SRRM2: variants seen among roughly 807,000 people sequenced by gnomAD.
SRRM2 encodes serine/arginine repetitive matrix 2.
In SRRM2, 30 loss-of-function variants were observed where a neutral mutation model predicts 213.8. The ratio of observed to expected loss-of-function variants is 0.14; its 90% CI spans 0.10 to 0.19. The LOEUF is 0.19. SRRM2 is among the 10% of genes least tolerant of loss of function. SRRM2 has a pLI of 1.00. For synonymous variants in SRRM2, 2,025 were observed against 1,377.7 expected (o/e 1.47, Z -10.40); for missense variants, 4,904 against 3,647.0 (o/e 1.34, Z -8.88).
At position 2,766,075 on chromosome 16, in the gene SRRM2, G is replaced by A. The variant is rs1180911122; in HGVS notation, c.5547G>A (p.Arg1849=). ...RGRSRTPPTS[R]KRSRSRTSPA... Reference sequence around the variant, plus strand: ...GCTCTCGGACACCCCCAACCAGTCGGAAGCGTTCTCGCTCACGCACATCAC... The same window carrying A: ...GCTCTCGGACACCCCCAACCAGTCGAAAGCGTTCTCGCTCACGCACATCAC... The change falls in exon 11 of 15, where the codon CGG becomes CGA. Residue 1849 remains arginine (R), a synonymous_variant. Transcript: ENST00000301740. This position sits in a 1 kb window ranked among gnomAD's most constrained non-coding sequence, Gnocchi z 7.0. The A allele has an allele frequency of 6.2e-7, 1 of 1,614,154 alleles. No homozygotes were observed. Among genetic ancestry groups the A allele is most frequent in the South Asian group, 1.1e-5 (1 of 91,086 alleles).
Position 2,765,893 on chromosome 16 carries a change from G to A in SRRM2, c.5365G>A (p.Asp1789Asn), listed in dbSNP as rs1407606052. 4 of 1,614,154 alleles carry A rather than the reference G, an allele frequency of 2.5e-6. No individual in the cohort carries two copies. Among genetic ancestry groups the A allele is most frequent in the Admixed American group, 1.7e-5 (1 of 60,026 alleles). The change falls in exon 11 of 15, where the codon GAT becomes AAT. Residue 1789 changes from aspartate (D) to asparagine (N), a missense_variant. Physicochemically the swap from Asp to Asn is conservative, Grantham distance 23. Coordinates refer to ENST00000301740, the MANE Select transcript of SRRM2 (RefSeq NM_016333.4). Reference sequence around the variant, plus strand: ...GAAAACAAGAACAACCCGACGTCGAGATAGGTCTGGATCTTCTCAGTCAAC... The same window carrying A: ...GAAAACAAGAACAACCCGACGTCGAAATAGGTCTGGATCTTCTCAGTCAAC... ...REKTRTTRRRDRSGSSQSTSR... is the reference protein window; with the variant it reads ...REKTRTTRRRNRSGSSQSTSR...
In SRRM2 at chr16:2,765,737, GAAA is replaced by G; in HGVS notation, c.5212_5214del (p.Lys1738del). 6.2e-7 allele frequency: 1 copy of G among 1,614,080 alleles called. No individual in the cohort carries two copies. The highest frequency in any genetic ancestry group is 8.5e-7 in the Non-Finnish European group (1 of 1,180,016). ...CTCAGTGTCTTCCCCGGAGCCAGCCGAAAAATCGAGGTCTTCACGCCGACGGCG... is the reference window on the plus strand; with the variant it reads ...CTCAGTGTCTTCCCCGGAGCCAGCCGAATCGAGGTCTTCACGCCGACGGCG... On this transcript the variant is annotated inframe_deletion, in exon 11 of 15. Transcript: ENST00000301740.
In SRRM2 at chr16:2,762,267, G is replaced by A. The variant is rs374083512; in HGVS notation, c.1739G>A (p.Arg580His). The change falls in exon 11 of 15, where the codon CGC becomes CAC. Residue 580 changes from arginine (R) to histidine (H), a missense_variant. By Grantham distance (29) the Arg-to-His change is conservative. Transcript: ENST00000301740. Reference protein sequence around the residue: ...RGRSRSRTPARRGRSRSRTPA... With the variant: ...RGRSRSRTPAHRGRSRSRTPA... ...AGATCTCGTTCTAGAACACCAGCCCGCCGGGGCAGGTCCCGCTCTAGAACA... is the reference window on the plus strand; with the variant it reads ...AGATCTCGTTCTAGAACACCAGCCCACCGGGGCAGGTCCCGCTCTAGAACA... The A allele has an allele frequency of 3.7e-5, 59 of 1,605,860 alleles. No homozygotes were observed. The highest frequency in any genetic ancestry group is 4.8e-5 in the Non-Finnish European group (56 of 1,177,214).
rs1395527871 is a variant in SRRM2 at position 2,761,936 on chromosome 16, G to A, written c.1408G>A (p.Asp470Asn). Residue 470 changes from aspartate (D) to asparagine (N), a missense_variant, in exon 11 of 15, where the codon GAT becomes AAT. By Grantham distance (23) the Asp-to-Asn change is conservative. Transcript: ENST00000301740. Reference sequence around the variant, plus strand: ...TCGCTCACATGGCCGAGCAAAACGGGATAAATCACATTCTCATACCCCCTC... The same window carrying A: ...TCGCTCACATGGCCGAGCAAAACGGAATAAATCACATTCTCATACCCCCTC... ...KNRSHGRAKR[D>N]KSHSHTPSRR... 1 of 1,613,906 alleles carries A rather than the reference G, an allele frequency of 6.2e-7. No homozygotes were observed. The highest frequency in any genetic ancestry group is 1.3e-5 in the African/African-American group (1 of 74,832).
At position 2,766,368 on chromosome 16, in the gene SRRM2, G is replaced by C; in HGVS notation, c.5840G>C (p.Arg1947Pro). The change falls in exon 11 of 15, where the codon CGT (arginine) becomes CCT (proline). Residue 1947 changes from arginine (R) to proline (P), a missense_variant. Arg to Pro is a moderately radical substitution (Grantham distance 103). Coordinates refer to ENST00000301740, the MANE Select transcript of SRRM2 (RefSeq NM_016333.4). This position sits in a 1 kb window ranked among gnomAD's most constrained non-coding sequence, Gnocchi z 7.0. ...SRTPTTRRRS[R>P]SRTPPVTRRR... ...ACGCCAACAACACGCCGCCGCTCCC[G>C]TTCTAGAACTCCACCAGTGACTCGC... 6.2e-7 allele frequency: 1 copy of C among 1,614,114 alleles called. No homozygotes were observed. The highest frequency in any genetic ancestry group is 1.3e-5 in the African/African-American group (1 of 75,032).
In SRRM2 at chr16:2,765,370, A is replaced by T; in HGVS notation, c.4842A>T (p.Ala1614=). Reference sequence around the variant, plus strand: ...ATAAGCCAAGAGCAGCACCCAGGGCACAGAGTGGTTCTGATTCCTCTCCTG... The same window carrying T: ...ATAAGCCAAGAGCAGCACCCAGGGCTCAGAGTGGTTCTGATTCCTCTCCTG... ...VKDKPRAAPR[A]QSGSDSSPEP... Residue 1614 remains alanine (A), a synonymous_variant, in exon 11 of 15, where the codon GCA becomes GCT. Transcript: ENST00000301740. 1.9e-6 allele frequency: 3 copies of T among 1,614,166 alleles called. No homozygotes were observed. The highest frequency in any genetic ancestry group is 2.5e-6 in the Non-Finnish European group (3 of 1,180,040).
rs762190512 is a variant in SRRM2 at position 2,760,395 on chromosome 16, T to C, written c.928T>C (p.Phe310Leu). Residue 310 changes from phenylalanine (F) to leucine (L), a missense_variant, in exon 10 of 15, where the codon TTC (phenylalanine) becomes CTC (leucine). Phe to Leu is a conservative substitution (Grantham distance 22). Transcript: ENST00000301740. ...SGRRGEGDAP[F>L]SEPGTTSTQR... ...GCGACGCGGGGAGGGAGATGCGCCT[T>C]TCAGTGAACCAGGTACTACCAGCAC... The C allele has an allele frequency of 1.9e-6, 3 of 1,614,132 alleles. No homozygotes were observed. The highest frequency in any genetic ancestry group is 2.2e-5 in the East Asian group (1 of 44,880).
At chr16:2,755,873 C>T (rs1319455398) in intron 1 of SRRM2, among the ~76,000 whole-genome samples, 1 of 152,138 alleles carries the variant, frequency 6.6e-6, no homozygotes, top group Admixed American at 6.5e-5. Flanking sequence ...TTGGGTGCCA[C>T]AGATCTGTGT....
chr16:2,759,153 T>C lies in SRRM2; in HGVS notation c.670T>C (p.Ser224Pro), dbSNP rs1299594589. 1.9e-6 allele frequency: 3 copies of C among 1,614,018 alleles called. No homozygotes were observed. The African/African-American group carries it at 4.0e-5, about 22-fold the overall frequency. Reference sequence around the variant, plus strand: ...TTTTTCCAACAGGTCAGAATCTGAGTCCAAGAAACGTAAGCATAGGTAAGA... The same window carrying C: ...TTTTTCCAACAGGTCAGAATCTGAGCCCAAGAAACGTAAGCATAGGTAAGA... ...KKKKHRSESE[S>P]KKRKHRSPTP... Residue 224 changes from serine to proline, a missense_variant, in exon 7 of 15, where the codon TCC becomes CCC. Transcript: ENST00000301740.
At position 2,770,471 on chromosome 16, in the gene SRRM2, G is replaced by A; in HGVS notation, c.8135+6G>A. 6.2e-7 allele frequency: 1 copy of A among 1,602,312 alleles called. No individual in the cohort carries two copies. The highest frequency in any genetic ancestry group is 8.5e-7 in the Non-Finnish European group (1 of 1,174,852). Reference sequence around the variant, plus strand: ...TCACCACGGGACCAGCAGAGGTAAGGCCAACTGCAGGTGTCAGCACCCAGC... The same window carrying A: ...TCACCACGGGACCAGCAGAGGTAAGACCAACTGCAGGTGTCAGCACCCAGC... On this transcript the variant is annotated splice_donor_region_variant and intron_variant, in intron 13 of 14. Transcript: ENST00000301740.
Position 2,763,111 on chromosome 16 carries a change from T to C in SRRM2, c.2583T>C (p.Asn861=), listed in dbSNP as rs1174558114. Residue 861 remains asparagine (N), a synonymous_variant, in exon 11 of 15, where the codon AAT becomes AAC. Coordinates refer to ENST00000301740, the MANE Select transcript of SRRM2 (RefSeq NM_016333.4). ...RQGSITSPQA[N]EQSVTPQRRS... Reference sequence around the variant, plus strand: ...GGTCCATAACAAGTCCCCAGGCCAATGAGCAATCTGTAACGCCACAGAGAC... The same window carrying C: ...GGTCCATAACAAGTCCCCAGGCCAACGAGCAATCTGTAACGCCACAGAGAC... 3 of 1,613,942 alleles carry C rather than the reference T, an allele frequency of 1.9e-6. No individual in the cohort carries two copies. The African/African-American group carries it at 4.0e-5, about 22-fold the overall frequency.
At position 2,762,387 on chromosome 16, in the gene SRRM2, C is replaced by T. The variant is rs1005162003; in HGVS notation, c.1859C>T (p.Pro620Leu). Residue 620 changes from proline (P) to leucine (L), a missense_variant, in exon 11 of 15, where the codon CCT becomes CTT. Coordinates refer to ENST00000301740, the MANE Select transcript of SRRM2 (RefSeq NM_016333.4). ...ARRGRSRSRT[P>L]ARRRSRTRSP... ...AGGGGCAGGTCTCGGTCTAGAACAC[C>T]TGCTAGGCGCAGATCTAGGACCCGA... 2 of 1,614,192 alleles carry T rather than the reference C, an allele frequency of 1.2e-6. No individual in the cohort carries two copies. The highest frequency in any genetic ancestry group is 1.1e-5 in the South Asian group (1 of 91,086).
chr16:2,761,399 C>G (rs979649276), intron 10 of SRRM2, among the ~76,000 whole-genome samples, 162 bp from the exon 11 acceptor site: 1 of 152,204 alleles, frequency 6.6e-6, no homozygotes, highest in South Asian at 2.1e-4. Flanking sequence ...GTTTTCACCA[C>G]TGTGCTTTAT....
Position 2,763,808 on chromosome 16 carries a change from C to G in SRRM2, c.3280C>G (p.Pro1094Ala), listed in dbSNP as rs1415619930. The part of the protein sequence containing the change: ...PSLQSKSQTS[P>A]KGGRSRSSSP... ...TCTGCAGAGCAAATCTCAAACATCA[C>G]CTAAGGGAGGTCGGTCCAGGTCTTC... The change falls in exon 11 of 15, where the codon CCT becomes GCT. Residue 1094 changes from proline to alanine, a missense_variant. Pro to Ala is a conservative substitution (Grantham distance 27). Transcript: ENST00000301740. 1.2e-6 allele frequency: 2 copies of G among 1,614,198 alleles called. No homozygotes were observed. Among genetic ancestry groups the G allele is most frequent in the East Asian group, 2.2e-5 (1 of 44,882 alleles).
intron 11 of SRRM2, chr16:2,768,746 C>T (rs1384069915): frequency 6.6e-6 from 5 of 755,676 alleles, no homozygotes; most frequent in South Asian, 4.4e-5. Flanking sequence ...GGCCTTATTC[C>T]TCCATCAGGG....
chr16:2,760,577 G>A, intron 10 of SRRM2, 78 bp downstream of exon 10: 1 of 1,475,494 alleles, frequency 6.8e-7, no homozygotes, highest in Non-Finnish European at 9.3e-7. Flanking sequence ...GAAAGGGAGA[G>A]GTAATAACTT....
In SRRM2 at chr16:2,766,023, G is replaced by A. The variant is rs890209913; in HGVS notation, c.5495G>A (p.Arg1832Gln). 6 of 1,613,986 alleles carry A rather than the reference G, an allele frequency of 3.7e-6. No individual in the cohort carries two copies. The highest frequency in any genetic ancestry group is 1.1e-5 in the South Asian group (1 of 91,082). ...SRSPARQESS[R>Q]TSSRRRRGRS... ...TCACCTGCCCGGCAGGAAAGTTCCC[G>A]GACCTCCTCTCGACGCCGAAGAGGC... Residue 1832 changes from arginine (R) to glutamine (Q), a missense_variant, in exon 11 of 15, where the codon CGG becomes CAG. By Grantham distance (43) the Arg-to-Gln change is conservative. Transcript: ENST00000301740. The surrounding 1 kb of genome is among the most constrained non-coding windows in gnomAD (Gnocchi z 7.0).
rs766874410 is a variant in SRRM2, at chr16:2,764,141, A to G, written c.3613A>G (p.Thr1205Ala). The G allele has an allele frequency of 2.5e-6, 4 of 1,614,180 alleles. No individual in the cohort carries two copies. The South Asian group carries it at 3.3e-5, about 13-fold the overall frequency. ...TGAGTCTTCACTGGTATTCAAAGACACACTTAGAACCCCGCCAAGGGAAAG... is the reference window on the plus strand; with the variant it reads ...TGAGTCTTCACTGGTATTCAAAGACGCACTTAGAACCCCGCCAAGGGAAAG... ...RPESSLVFKDTLRTPPRERSG... is the reference protein window; with the variant it reads ...RPESSLVFKDALRTPPRERSG... Residue 1205 changes from threonine to alanine, a missense_variant, in exon 11 of 15, where the codon ACA becomes GCA. Transcript: ENST00000301740.
chr16:2,758,555 A>C lies in SRRM2; in HGVS notation c.593+8A>C, dbSNP rs764281534. The C allele has an allele frequency of 6.2e-7, 1 of 1,613,092 alleles. No individual in the cohort carries two copies. Among genetic ancestry groups the C allele is most frequent in the African/African-American group, 1.3e-5 (1 of 75,018 alleles). On this transcript the variant is annotated splice_region_variant and intron_variant, in intron 5 of 14. Transcript: ENST00000301740. ...GAAGAAAGATAGAGGACGGTAAGTT[A>C]GTTGGAAAGTGACTCTGATAGCCAG...
Sources: allele counts gnomAD v4.1 joint callset (sites outside exome capture counted in the v4.1 genomes callset), GRCh38; gene constraint gnomAD v4.1.1; non-coding constraint Gnocchi (gnomAD v3.1); transcripts MANE v1.5; gene names NCBI Gene and HGNC (gene_info 2026-07-23, HGNC 2026-07-21).